RELN: variants seen among roughly 807,000 people sequenced by gnomAD.
RELN encodes the protein reelin.
Under a neutral mutation model 427.6 loss-of-function variants are expected in RELN, and 108 were observed. The ratio of observed to expected loss-of-function variants is 0.25; its 90% confidence interval spans 0.22 to 0.30. The LOEUF is 0.30. RELN is among the 10% of genes least tolerant of loss of function. RELN has a pLI of 1.00. For missense variants in RELN, 3,715 were observed against 4,302.8 expected, an observed-to-expected ratio of 0.86 and a Z score of 3.82; for synonymous variants, 1,524 against 1,513.4, an observed-to-expected ratio of 1.01 and a Z score of -0.16.
rs10569884 is a variant in RELN at position 103,835,954 on chromosome 7, C to CTTTTTT, written c.338-2288_338-2283dup. ...TCTCTTTACAAAACTCTCAATTACC[C>CTTTTTT]TTTTTTTTTTTTTTTTTTATAGGCG... On this transcript the variant is annotated intron_variant, in intron 2 of 64. Coordinates refer to ENST00000428762, the MANE Select transcript of RELN (RefSeq NM_005045.4). Among the ~76,000 whole-genome samples, 9 of 142,392 alleles carry CTTTTTT rather than the reference C, an allele frequency of 6.3e-5. 1 individual carries two copies. Among genetic ancestry groups the CTTTTTT allele is most frequent in the African/African-American group, 1.0e-4 (4 of 38,482 alleles). The allele number at this position is 142,392 out of a possible 152,430, so 93.4% of individuals were successfully genotyped here.
intron 36 of RELN, 150 bp downstream of exon 36, chr7:103,561,382 G>A (rs1307157582): frequency 2.7e-6 from 2 of 734,796 alleles, no homozygotes; most frequent in East Asian, 2.7e-5. Flanking sequence ...GCACTCAGAA[G>A]AGGAAACATG....
intron 1 of RELN, among the ~76,000 whole-genome samples, chr7:103,949,310 T>C (rs1001470195): frequency 6.6e-6 from 1 of 152,072 alleles, no homozygotes. Flanking sequence ...GACTAAATGT[T>C]TGTGCCTCCA....
At chr7:103,551,726 T>C (rs1030938531) in intron 40 of RELN, among the ~76,000 whole-genome samples, 3 of 152,196 alleles carry the variant, frequency 2.0e-5, no homozygotes, top group Non-Finnish European at 4.4e-5. Flanking sequence ...CTAAGAGTTT[T>C]ACACATGAAT....
At chr7:103,970,744 G>A (rs907964189) in intron 1 of RELN, among the ~76,000 whole-genome samples, 1 of 152,204 alleles carries the variant, frequency 6.6e-6, no homozygotes, top group Non-Finnish European at 1.5e-5. Flanking sequence ...ATGAAAATGT[G>A]ACAGGAACCT....
chr7:103,494,194 G>C (rs1828756698), intron 57 of RELN, among the ~76,000 whole-genome samples: 1 of 152,116 alleles, frequency 6.6e-6, no homozygotes, highest in African/African-American at 2.4e-5. Context: ...TTACCCTCCA[G>C]TCCCCAAAGG....
chr7:103,635,688 T>C (rs1832564852), intron 18 of RELN, 102 bp from the exon 19 acceptor site: 3 of 937,086 alleles, frequency 3.2e-6, no homozygotes, highest in Non-Finnish European at 5.0e-6. Flanking sequence ...TACTCACCCC[T>C]CTTTTACAAA....
At chr7:103,805,951 AGAGAAAATATGTGGAAGAAAACAT>A (rs1792588856) in intron 3 of RELN, among the ~76,000 whole-genome samples, 1 of 152,230 alleles carries the variant, frequency 6.6e-6, no homozygotes, top group South Asian at 2.1e-4. Flanking sequence ...TTCACACAAA[AGAGAAAATATGTGGAAGAAAACAT>A]GAATTTTGAG....
chr7:103,943,092 A>G (rs1019494759), intron 1 of RELN, among the ~76,000 whole-genome samples: 2 of 152,202 alleles, frequency 1.3e-5, no homozygotes, highest in Non-Finnish European at 2.9e-5. Flanking sequence ...TAGTGAAGTC[A>G]ATGACTTTCT....
intron 64 of RELN, among the ~76,000 whole-genome samples, chr7:103,476,090 A>G (rs1828022262): frequency 6.6e-6 from 1 of 152,164 alleles, no homozygotes; most frequent in Non-Finnish European, 1.5e-5. Flanking sequence ...ATGTATCAGT[A>G]TCATATCTTT....
intron 6 of RELN, among the ~76,000 whole-genome samples, chr7:103,742,133 G>T (rs563001298): frequency 1.3e-5 from 2 of 152,316 alleles, no homozygotes; most frequent in African/African-American, 4.8e-5. Context: ...TGCAGCCACC[G>T]CTGCTGATAC....
intron 41 of RELN, among the ~76,000 whole-genome samples, chr7:103,549,360 A>G (rs1830364044): frequency 6.6e-6 from 1 of 152,146 alleles, no homozygotes; most frequent in Non-Finnish European, 1.5e-5. Flanking sequence ...TCTCTTTTAT[A>G]AGGGCACTGA....
At chr7:103,610,333 G>T (rs2117287862) in intron 22 of RELN, among the ~76,000 whole-genome samples, 1 of 152,192 alleles carries the variant, frequency 6.6e-6, no homozygotes. Flanking sequence ...AAACAGCTTT[G>T]CAATCCAAAT....
At chr7:103,713,675 T>G (rs1039270936) in intron 8 of RELN, among the ~76,000 whole-genome samples, 17 of 137,628 alleles carry the variant, frequency 1.2e-4, no homozygotes, top group Non-Finnish European at 2.1e-4. Flanking sequence ...TTTTTTTTTT[T>G]GAAGGTAAGA....
intron 3 of RELN, among the ~76,000 whole-genome samples, chr7:103,784,756 T>C (rs981784191): frequency 1.3e-5 from 2 of 152,208 alleles, no homozygotes; most frequent in South Asian, 4.1e-4. Context: ...TGGCATATGA[T>C]ATAAACTCAG....
At chr7:103,548,987 A>C (rs73418582) in intron 41 of RELN, among the ~76,000 whole-genome samples, 12 of 152,224 alleles carry the variant, frequency 7.9e-5, no homozygotes, top group Non-Finnish European at 1.8e-4. Context: ...TAAAATCGTA[A>C]CCTACAATCT....
intron 1 of RELN, among the ~76,000 whole-genome samples, chr7:103,982,896 A>G (rs902522916): frequency 6.6e-6 from 1 of 152,190 alleles, no homozygotes; most frequent in African/African-American, 2.4e-5. Context: ...CCTGGGCTCA[A>G]GTGATCCTCC....
At chr7:103,635,314 C>A in intron 19 of RELN, 111 bp downstream of exon 19, 1 of 1,154,304 alleles carries the variant, frequency 8.7e-7, no homozygotes. Context: ...AATCTTTGTG[C>A]GCTCCATCTG....
intron 2 of RELN, among the ~76,000 whole-genome samples, chr7:103,895,578 GT>G: frequency 2.0e-5 from 3 of 152,180 alleles, no homozygotes; most frequent in Admixed American, 2.0e-4. Context: ...ACTTTTAAGT[GT>G]AAAGATGATG....
chr7:103,592,642 CTA>C (rs926497408), intron 27 of RELN, among the ~76,000 whole-genome samples: 2 of 152,110 alleles, frequency 1.3e-5, no homozygotes, highest in Non-Finnish European at 2.9e-5. Context: ...ATATTTAACA[CTA>C]TTTTTTAAAT....
Sources: gnomAD v4.1 joint callset for allele counts (sites outside exome capture counted in the v4.1 genomes callset) on GRCh38, gnomAD v4.1.1 for gene constraint, MANE v1.5 for transcripts, NCBI Gene and HGNC (gene_info 2026-07-23, HGNC 2026-07-21) for gene names.